Variants in CFAP61 observed in about 807,000 individuals in gnomAD.
The protein encoded by CFAP61 is cilia and flagella associated protein 61.
In CFAP61, 107 loss-of-function variants were observed where a neutral mutation model predicts 135.6. That is an observed-to-expected ratio of 0.79 (90% CI 0.67 to 0.93). The LOEUF is 0.93. Among genes scored for constraint, CFAP61 ranks in the 40% least tolerant of loss-of-function variants. The pLI is 0.00. For missense variants in CFAP61, 1,507 were observed against 1,556.2 expected (o/e 0.97, Z 0.53); for synonymous variants, 575 against 578.5 (o/e 0.99, Z 0.09).
At chr20:20,160,007 G>T (rs564265382) in intron 10 of CFAP61, among the ~76,000 whole-genome samples, 1 of 152,134 alleles carries the variant, frequency 6.6e-6, no homozygotes, top group East Asian at 1.9e-4. Context: ...CAGGTGGTCC[G>T]TTGACCACTC....
chr20:20,117,281 T>C (rs914867002), intron 8 of CFAP61, among the ~76,000 whole-genome samples: 1 of 152,074 alleles, frequency 6.6e-6, no homozygotes, highest in African/African-American at 2.4e-5. Flanking sequence ...AGGGTGGATA[T>C]TGCAGTGAGT....
chr20:20,230,597 A>C (rs1034549810), intron 18 of CFAP61, among the ~76,000 whole-genome samples: 1 of 152,112 alleles, frequency 6.6e-6, no homozygotes, highest in Non-Finnish European at 1.5e-5. Context: ...TCTGTTGCCC[A>C]GGCTGGAGTG....
intron 17 of CFAP61, among the ~76,000 whole-genome samples, chr20:20,222,551 G>C (rs2048474500): frequency 6.6e-6 from 1 of 152,128 alleles, no homozygotes; most frequent in African/African-American, 2.4e-5. Flanking sequence ...CCAACCGAGA[G>C]GAAAGTTAAG....
At chr20:20,158,344 C>G (rs1296399753) in intron 9 of CFAP61, among the ~76,000 whole-genome samples, 1 of 92,326 alleles carries the variant, frequency 1.1e-5, no homozygotes, top group East Asian at 2.2e-4. Flanking sequence ...ACCAAGTGGA[C>G]CTTTGAAAAA....
At chr20:20,290,214 C>G (rs2054899753) in intron 23 of CFAP61, 86 bp from the exon 24 acceptor site, 1 of 846,992 alleles carries the variant, frequency 1.2e-6, no homozygotes, top group African/African-American at 1.7e-5. Context: ...CTGCAGGCAT[C>G]TGTTTGTCCT....
At chr20:20,157,179 A>G (rs1469245527) in intron 9 of CFAP61, among the ~76,000 whole-genome samples, 3 of 151,978 alleles carry the variant, frequency 2.0e-5, no homozygotes, top group Non-Finnish European at 4.4e-5. Flanking sequence ...TTCAAGTGAT[A>G]CTCATGCCTC....
chr20:20,285,083 T>A (rs2054483367), intron 22 of CFAP61, among the ~76,000 whole-genome samples: 1 of 152,226 alleles, frequency 6.6e-6, no homozygotes, highest in African/African-American at 2.4e-5. Flanking sequence ...TAGGTTATTT[T>A]TTCCCAGCAC....
chr20:20,240,055 G>A (rs573696345), intron 18 of CFAP61, among the ~76,000 whole-genome samples: 97 of 152,268 alleles, frequency 6.4e-4, no homozygotes, highest in African/African-American at 2.2e-3. Flanking sequence ...GTTGGCCAAA[G>A]CTTTGATGGA....
At chr20:20,091,972 G>C (rs1244777095) in intron 7 of CFAP61, among the ~76,000 whole-genome samples, 2 of 152,144 alleles carry the variant, frequency 1.3e-5, no homozygotes, top group Non-Finnish European at 1.5e-5. Flanking sequence ...GTGAGCCACC[G>C]TGCCCAGCTA....
At chr20:20,245,009 C>T (rs1427974892) in intron 18 of CFAP61, among the ~76,000 whole-genome samples, 9 of 152,250 alleles carry the variant, frequency 5.9e-5, no homozygotes, top group African/African-American at 2.2e-4. Flanking sequence ...ACAAGTTCCT[C>T]ATTTCCATCT....
chr20:20,357,196 AGT>A (rs2059241106), intron 26 of CFAP61, among the ~76,000 whole-genome samples: 2 of 62,020 alleles, frequency 3.2e-5, no homozygotes, highest in Admixed American at 1.4e-4. Context: ...TCATACTGTG[AGT>A]GAGGAGGTAG....
At chr20:20,342,314 C>T (rs1297571751) in intron 26 of CFAP61, among the ~76,000 whole-genome samples, 1 of 152,146 alleles carries the variant, frequency 6.6e-6, no homozygotes, top group Non-Finnish European at 1.5e-5. Context: ...TAAAGATGTA[C>T]AGGGAAGCCA....
rs1357813476 is a variant in CFAP61, at chr20:20,196,680, C to CCGG, written c.1703_1705dup (p.Arg568dup). On this transcript the variant is annotated inframe_insertion, in exon 16 of 27. Coordinates refer to ENST00000245957, the MANE Select transcript of CFAP61 (RefSeq NM_015585.4). ...ATCACTTTGCCCTCAACCCCATTTT[C>CCGG]CGGCACTACACCAAGTTCTTTCTGA... 1 of 1,614,144 alleles carries CCGG rather than the reference C, an allele frequency of 6.2e-7. No homozygotes were observed. Among genetic ancestry groups the CCGG allele is most frequent in the South Asian group, 1.1e-5 (1 of 91,078 alleles).
rs78168002 is a variant in CFAP61 at position 20,246,352 on chromosome 20, T to G, written c.2159+137T>G. The G allele has an allele frequency of 1.1e-3, 769 of 689,092 alleles. 3 individuals carry two copies. In the African/African-American group the frequency reaches 0.012, roughly 11 times the overall value. 42.7% of individuals were successfully genotyped at this position (689,092 alleles called of 1,614,324 possible). ...TTTTCTACTGGAGTTCAGACATCAC[T>G]TAGGAGATACAAGTACCAGTGTGTT... On this transcript the variant is annotated intron_variant, in intron 19 of 26. Transcript: ENST00000245957.
At chr20:20,283,017 T>C (rs1161896810) in intron 22 of CFAP61, among the ~76,000 whole-genome samples, 2 of 152,174 alleles carry the variant, frequency 1.3e-5, no homozygotes, top group Non-Finnish European at 2.9e-5. Flanking sequence ...ATAAGGAATA[T>C]GTATTACGTA....
chr20:20,094,593 G>A (rs1270770329), intron 7 of CFAP61: 2 of 152,284 alleles, frequency 1.3e-5, no homozygotes, highest in Non-Finnish European at 1.5e-5. Flanking sequence ...TTCAGTGTGT[G>A]TAAACATCAG....
intron 13 of CFAP61, among the ~76,000 whole-genome samples, chr20:20,182,514 G>T (rs2055179037): frequency 6.6e-6 from 1 of 151,936 alleles, no homozygotes; most frequent in African/African-American, 2.4e-5. Flanking sequence ...CACGAGAGCA[G>T]AAATTGTGGA....
rs532008071 is a variant in CFAP61 at position 20,306,004 on chromosome 20, A to G, written c.3422+7618A>G. 7.2e-5 allele frequency among the ~76,000 whole-genome samples: 11 copies of G among 152,128 alleles called. No individual in the cohort carries two copies. In the South Asian group the frequency reaches 1.9e-3, roughly 26 times the overall value. The stretch of plus-strand genomic sequence containing the variant: ...GGAAGTGTAGACCAAGGAGGAGGCG[A>G]AAGTCCACTGGACACAATATGTGTC... On this transcript the variant is annotated intron_variant, in intron 25 of 26. Coordinates refer to ENST00000245957, the MANE Select transcript of CFAP61 (RefSeq NM_015585.4).
intron 9 of CFAP61, among the ~76,000 whole-genome samples, chr20:20,154,561 C>T (rs1275091321): frequency 6.6e-6 from 1 of 151,936 alleles, no homozygotes; most frequent in African/African-American, 2.4e-5. Flanking sequence ...CCAACAGTGA[C>T]CAAGCTGAGA....
Sources: gnomAD v4.1 joint callset for allele counts (sites outside exome capture counted in the v4.1 genomes callset) on GRCh38, gnomAD v4.1.1 for gene constraint, MANE v1.5 for transcripts, NCBI Gene and HGNC (gene_info 2026-07-23, HGNC 2026-07-21) for gene names.